The following HHIP variants were observed in gnomAD, a reference collection of about 807,000 sequenced individuals.
HHIP encodes the protein hedgehog interacting protein, also known as hedgehog-interacting protein.
HHIP carries 12 observed loss-of-function variants against 74.0 expected under a neutral mutation model. The ratio of observed to expected loss-of-function variants is 0.16; its 90% CI spans 0.10 to 0.26. The LOEUF is 0.26. HHIP is among the 10% of genes least tolerant of loss of function. The pLI is 1.00. For synonymous variants in HHIP, 309 were observed against 311.6 expected (o/e 0.99, Z 0.09); for missense variants, 788 against 845.0 (o/e 0.93, Z 0.84).
intron 4 of HHIP, among the ~76,000 whole-genome samples, chr4:144,683,312 T>G (rs1729396692): frequency 6.6e-6 from 1 of 152,220 alleles, no homozygotes; most frequent in Non-Finnish European, 1.5e-5. Flanking sequence ...AAGTCTTAAT[T>G]TTTATATAAG....
intron 4 of HHIP, among the ~76,000 whole-genome samples, chr4:144,661,981 C>T (rs1318532841): frequency 6.6e-6 from 1 of 152,188 alleles, no homozygotes; most frequent in Non-Finnish European, 1.5e-5. Context: ...CTAAACCCAA[C>T]CTCCACACGT....
chr4:144,720,207 G>A (rs1239219797), intron 11 of HHIP, among the ~76,000 whole-genome samples: 1 of 152,000 alleles, frequency 6.6e-6, no homozygotes, highest in Non-Finnish European at 1.5e-5. Context: ...GAAAAGCAAA[G>A]ATAAATGAAA....
intron 4 of HHIP, among the ~76,000 whole-genome samples, chr4:144,685,053 C>G (rs1729451561): frequency 6.6e-6 from 1 of 152,190 alleles, no homozygotes; most frequent in Non-Finnish European, 1.5e-5. Flanking sequence ...TAGCACTGCT[C>G]AACTTACACT....
At chr4:144,670,146 A>C (rs1376452679) in intron 4 of HHIP, among the ~76,000 whole-genome samples, 1 of 149,932 alleles carries the variant, frequency 6.7e-6, no homozygotes, top group Non-Finnish European at 1.5e-5. Flanking sequence ...CCATCTCAAA[A>C]AAAAAAAGCT....
At chr4:144,684,229 AG>A (rs1197407386) in intron 4 of HHIP, among the ~76,000 whole-genome samples, 7 of 140,906 alleles carry the variant, frequency 5.0e-5, no homozygotes, top group African/African-American at 1.6e-4. Context: ...AAAAAAAAAA[AG>A]AATTTTTTTT....
At chr4:144,695,005 A>T (rs1729773548) in intron 4 of HHIP, among the ~76,000 whole-genome samples, 1 of 151,886 alleles carries the variant, frequency 6.6e-6, no homozygotes, top group East Asian at 1.9e-4. Context: ...ATTATAGACC[A>T]AGTCATTCTA....
intron 4 of HHIP, among the ~76,000 whole-genome samples, chr4:144,690,602 G>A (rs550701281): frequency 6.6e-4 from 101 of 152,286 alleles, no homozygotes; most frequent in African/African-American, 2.4e-3. Flanking sequence ...GGAAAGACAC[G>A]AACATGAGAT....
At chr4:144,691,109 C>G (rs1257604145) in intron 4 of HHIP, among the ~76,000 whole-genome samples, 2 of 152,116 alleles carry the variant, frequency 1.3e-5, no homozygotes, top group South Asian at 2.1e-4. Flanking sequence ...CCCAGACAAT[C>G]TTACATGCAT....
chr4:144,669,289 T>C (rs955826420), intron 4 of HHIP, among the ~76,000 whole-genome samples: 1 of 152,190 alleles, frequency 6.6e-6, no homozygotes, highest in African/African-American at 2.4e-5. Flanking sequence ...AAGACCATTT[T>C]ATAACGTGTT....
At chr4:144,724,161 C>G (rs1355220278) in intron 11 of HHIP, among the ~76,000 whole-genome samples, 2 of 152,104 alleles carry the variant, frequency 1.3e-5, no homozygotes, top group Non-Finnish European at 2.9e-5. Flanking sequence ...AAATTGTATT[C>G]ATACTTTAGT....
intron 4 of HHIP, among the ~76,000 whole-genome samples, chr4:144,677,007 G>A (rs1729187261): frequency 6.6e-6 from 1 of 152,136 alleles, no homozygotes; most frequent in African/African-American, 2.4e-5. Flanking sequence ...AGGCCAGAGA[G>A]GGTACCTATA....
chr4:144,731,238 A>G (rs1730944984), intron 11 of HHIP, among the ~76,000 whole-genome samples: 1 of 152,114 alleles, frequency 6.6e-6, no homozygotes, highest in Admixed American at 6.5e-5. Context: ...TTAAAATTCC[A>G]TATTCTTATT....
chr4:144,682,975 AG>A (rs1729387517), intron 4 of HHIP, among the ~76,000 whole-genome samples: 1 of 152,242 alleles, frequency 6.6e-6, no homozygotes, highest in African/African-American at 2.4e-5. Flanking sequence ...GTTTAGAGGA[AG>A]AAATAGATTT....
intron 6 of HHIP, among the ~76,000 whole-genome samples, chr4:144,707,770 T>C (rs1021941126): frequency 6.6e-6 from 1 of 152,012 alleles, no homozygotes; most frequent in African/African-American, 2.4e-5. Flanking sequence ...TTTATTTTAT[T>C]TAATTATTCC....
At chr4:144,704,257 A>C (rs1347892778) in intron 4 of HHIP, among the ~76,000 whole-genome samples, 4 of 152,218 alleles carry the variant, frequency 2.6e-5, no homozygotes, top group Non-Finnish European at 4.4e-5. Flanking sequence ...TGCACCTGGA[A>C]GTTGACCCAA....
chr4:144,669,976 C>CT (rs1422979611), intron 4 of HHIP, among the ~76,000 whole-genome samples: 1 of 69,676 alleles, frequency 1.4e-5, no homozygotes, highest in African/African-American at 3.3e-5. Context: ...CCCGTCTCTA[C>CT]TTAAAAAAAA....
chr4:144,676,183 G>A (rs1452195102), intron 4 of HHIP, among the ~76,000 whole-genome samples: 9 of 152,142 alleles, frequency 5.9e-5, no homozygotes, highest in Non-Finnish European at 1.0e-4. Context: ...GGAATACACA[G>A]CCATCTGCTT....
chr4:144,666,248 C>CGTGTGT (rs5862718), intron 4 of HHIP, among the ~76,000 whole-genome samples: 4 of 143,268 alleles, frequency 2.8e-5, no homozygotes, highest in African/African-American at 1.0e-4. Flanking sequence ...ATACTACAGT[C>CGTGTGT]GTGTGTGTGT....
chr4:144,730,752 T>A (rs1019414180), intron 11 of HHIP, among the ~76,000 whole-genome samples: 2 of 152,302 alleles, frequency 1.3e-5, no homozygotes, highest in East Asian at 3.9e-4. Context: ...AAGGTACTGT[T>A]TATTCCTTTT....
Sources: allele counts gnomAD v4.1 joint callset (sites outside exome capture counted in the v4.1 genomes callset), GRCh38; gene constraint gnomAD v4.1.1; transcripts MANE v1.5; gene names NCBI Gene and HGNC (gene_info 2026-07-23, HGNC 2026-07-21).